Variants in SEMA3D observed in about 807,000 individuals in gnomAD.
SEMA3D encodes semaphorin 3D, also known as semaphorin-3D.
A neutral mutation model predicts 100.1 loss-of-function variants in SEMA3D; 84 were observed. The ratio of observed to expected loss-of-function variants is 0.84; its 90% CI spans 0.70 to 1.01. SEMA3D has a LOEUF of 1.01. Among genes scored for constraint, SEMA3D ranks in the 50% least tolerant of loss-of-function variants. The probability of loss-of-function intolerance (pLI) is 0.00; values close to 1 mark genes in which losing one functional copy is unlikely to be tolerated. For synonymous variants in SEMA3D, 312 were observed against 320.7 expected, an observed-to-expected ratio of 0.97 and a Z score of 0.29; for missense variants, 875 against 934.1, an observed-to-expected ratio of 0.94 and a Z score of 0.82.
At chr7:85,028,587 C>T (rs1790458049) in intron 12 of SEMA3D, 1 of 253,308 alleles carries the variant, frequency 3.9e-6, no homozygotes, top group African/African-American at 2.3e-5. Context: ...CATGGAAGGA[C>T]ACCGTGAGAA....
chr7:85,210,961 T>C, the SEMA3D span, among the ~76,000 whole-genome samples: 1 of 152,020 alleles, frequency 6.6e-6, no homozygotes, highest in African/African-American at 2.4e-5. Context: ...AGACAGACAA[T>C]ATTGTAGATG....
At chr7:85,108,634 C>T (rs771117538) in intron 3 of SEMA3D, among the ~76,000 whole-genome samples, 2 of 152,044 alleles carry the variant, frequency 1.3e-5, no homozygotes, top group Non-Finnish European at 2.9e-5. Context: ...TTAAAATACA[C>T]TGTGCCCCTG....
chr7:85,168,106 G>T (rs936332236), intron 1 of SEMA3D, among the ~76,000 whole-genome samples: 1 of 151,726 alleles, frequency 6.6e-6, no homozygotes, highest in African/African-American at 2.4e-5. Context: ...TCTTATCATA[G>T]TCTAATGGCT....
the SEMA3D span, among the ~76,000 whole-genome samples, chr7:85,247,702 G>A: frequency 3.8e-3 from 577 of 152,154 alleles, 2 homozygotes; most frequent in South Asian, 0.018. Flanking sequence ...GAATAGACAG[G>A]TAGATTTACA....
intron 4 of SEMA3D, among the ~76,000 whole-genome samples, chr7:85,094,744 T>C (rs1021635103): frequency 6.6e-5 from 10 of 151,958 alleles, no homozygotes; most frequent in Non-Finnish European, 5.9e-5. Flanking sequence ...TCAATGGGCA[T>C]CATCTTTCCA....
At chr7:85,187,863 T>G (rs1336567252), upstream of SEMA3D, among the ~76,000 whole-genome samples, 2 of 152,318 alleles carry the variant, frequency 1.3e-5, no homozygotes, top group East Asian at 3.9e-4. Context: ...GCCTGTGCAT[T>G]TGGTGAGCCC....
chr7:85,185,529 C>G (rs1791514945), intron 1 of SEMA3D, among the ~76,000 whole-genome samples: 3 of 152,192 alleles, frequency 2.0e-5, no homozygotes, highest in Non-Finnish European at 4.4e-5. Flanking sequence ...ATTACCGCTT[C>G]GCTCGAGGCG....
At position 85,058,747 on chromosome 7, in the gene SEMA3D, C is replaced by CAAAAAAA. The variant is rs67267318; in HGVS notation, c.719-2895_719-2889dup. On this transcript the variant is annotated intron_variant, in intron 8 of 18. Coordinates refer to ENST00000284136, the MANE Select transcript of SEMA3D (RefSeq NM_001384900.1). ...TGGGCGACAGAGCGAGACTCCACTACAAAAAAAAAAAAAAAAAAAAGCAAC... is the reference window on the plus strand; with the variant it reads ...TGGGCGACAGAGCGAGACTCCACTACAAAAAAAAAAAAAAAAAAAAAAAAAAAGCAAC... Among the ~76,000 whole-genome samples the CAAAAAAA allele has an allele frequency of 1.1e-4, 7 of 64,276 alleles. 1 individual carries two copies. The highest frequency in any genetic ancestry group is 2.2e-4 in the Non-Finnish European group (7 of 32,206). 42.2% of individuals were successfully genotyped at this position (64,276 alleles called of 152,430 possible). A position where few individuals can be genotyped will look rare whatever the true frequency, so the allele number is the denominator to read the frequency against.
chr7:85,082,692 T>A (rs937642133), intron 4 of SEMA3D, among the ~76,000 whole-genome samples: 1 of 152,248 alleles, frequency 6.6e-6, no homozygotes, highest in African/African-American at 2.4e-5. Flanking sequence ...AATGTTTATA[T>A]GATATTATCT....
intron 15 of SEMA3D, among the ~76,000 whole-genome samples, chr7:85,015,562 G>C (rs534654890): frequency 6.6e-6 from 1 of 151,764 alleles, no homozygotes; most frequent in Non-Finnish European, 1.5e-5. Context: ...AGATGCTATA[G>C]GCAAAGCTCA....
chr7:85,217,176 T>C, the SEMA3D span, among the ~76,000 whole-genome samples: 6 of 152,082 alleles, frequency 3.9e-5, no homozygotes, highest in African/African-American at 1.4e-4. Context: ...CTTCTCTAGC[T>C]ATAATGCTGT....
intron 4 of SEMA3D, among the ~76,000 whole-genome samples, chr7:85,095,782 TA>T (rs1788532079): frequency 6.6e-6 from 1 of 152,070 alleles, no homozygotes; most frequent in Non-Finnish European, 1.5e-5. Flanking sequence ...AGATAACATC[TA>T]ATTTCATAAT....
chr7:85,114,685 G>T (rs959824741), intron 3 of SEMA3D, among the ~76,000 whole-genome samples: 1 of 152,004 alleles, frequency 6.6e-6, no homozygotes, highest in Non-Finnish European at 1.5e-5. Flanking sequence ...AATTTGAAAC[G>T]AATACTGAAT....
At chr7:85,131,530 G>A (rs1789724865) in intron 2 of SEMA3D, among the ~76,000 whole-genome samples, 1 of 152,012 alleles carries the variant, frequency 6.6e-6, no homozygotes, top group South Asian at 2.1e-4. Flanking sequence ...GTGAATATGT[G>A]TAGTACTTGA....
intron 1 of SEMA3D, chr7:85,181,882 A>G (rs1791419575): frequency 3.5e-6 from 1 of 284,570 alleles, no homozygotes; most frequent in Non-Finnish European, 5.3e-6. Flanking sequence ...TGGATTGAAA[A>G]TCATCAAAAT....
At chr7:85,094,336 G>A (rs1002923767) in intron 4 of SEMA3D, among the ~76,000 whole-genome samples, 5 of 151,968 alleles carry the variant, frequency 3.3e-5, no homozygotes, top group Non-Finnish European at 7.4e-5. Context: ...ATTTTGTGAC[G>A]ATAACTCTTA....
At chr7:85,157,177 A>C (rs1420055673) in intron 1 of SEMA3D, among the ~76,000 whole-genome samples, 2 of 152,232 alleles carry the variant, frequency 1.3e-5, no homozygotes, top group African/African-American at 4.8e-5. Flanking sequence ...TTGTAATAAT[A>C]AAATTTCATC....
In SEMA3D at chr7:85,081,504, G is replaced by C. The variant is rs1293669583; in HGVS notation, c.375+13C>G. ...AAGTTTTACAAAGATAATTGTTACA[G>C]TTTCATACTTACATTGGCATCTTTC... is the stretch of plus-strand genomic sequence containing the variant. On this transcript the variant is annotated intron_variant, in intron 5 of 18. Coordinates refer to ENST00000284136, the MANE Select transcript of SEMA3D (RefSeq NM_001384900.1). 6.4e-7 allele frequency: 1 copy of C among 1,563,774 alleles called. No individual in the cohort carries two copies. The highest frequency in any genetic ancestry group is 1.1e-5 in the South Asian group (1 of 90,050).
At position 85,153,615 on chromosome 7, in the gene SEMA3D, T is replaced by C. The variant is rs1790498243; in HGVS notation, c.-48A>G. ...TTTAAGAGATTGGCTCACATAATTA[T>C]TGAGGCTGATGAGTCCCAAGATCTG... On this transcript the variant is annotated 5_prime_UTR_variant, in exon 2 of 19. Coordinates refer to ENST00000284136, the MANE Select transcript of SEMA3D (RefSeq NM_001384900.1). The C allele has an allele frequency of 6.6e-6, 1 of 152,062 alleles. No individual in the cohort carries two copies. The highest frequency in any genetic ancestry group is 1.5e-5 in the Non-Finnish European group (1 of 68,032). 9.4% of individuals were successfully genotyped at this position (152,062 alleles called of 1,614,324 possible). A position where few individuals can be genotyped will look rare whatever the true frequency, so the allele number is the denominator to read the frequency against.
Sources: allele counts gnomAD v4.1 joint callset (sites outside exome capture counted in the v4.1 genomes callset), GRCh38; gene constraint gnomAD v4.1.1; transcripts MANE v1.5; gene names NCBI Gene and HGNC (gene_info 2026-07-23, HGNC 2026-07-21).